The following RGL1 variants were observed in gnomAD, a reference collection of about 807,000 sequenced individuals.
The protein encoded by RGL1 is ral guanine nucleotide dissociation stimulator-like 1.
In RGL1, 24 loss-of-function variants were observed where a neutral mutation model predicts 95.2. That is an observed-to-expected ratio of 0.25 (90% CI 0.18 to 0.35). The LOEUF (loss-of-function observed/expected upper bound fraction) is 0.35. Ranked by LOEUF, RGL1 falls within the 10% of genes least tolerant of loss-of-function variation. The pLI is 1.00. For synonymous variants in RGL1, 329 were observed against 344.9 expected, an observed-to-expected ratio of 0.95 and a Z score of 0.51; for missense variants, 715 against 936.3, an observed-to-expected ratio of 0.76 and a Z score of 3.08.
intron 2 of RGL1, among the ~76,000 whole-genome samples, chr1:183,809,109 G>A (rs2500093): frequency 0.35 from 52,972 of 152,078 alleles, 10,247 homozygotes; most frequent in South Asian, 0.55. Context: ...TTAAAGCAGG[G>A]TGCATTGAAG....
chr1:183,790,017 T>G (rs1166018681), intron 2 of RGL1, among the ~76,000 whole-genome samples: 1 of 151,162 alleles, frequency 6.6e-6, no homozygotes, highest in East Asian at 2.0e-4. Context: ...ACCTCCCGGG[T>G]TCAAGCGATT....
chr1:183,751,551 G>C (rs1186125463), intron 2 of RGL1, among the ~76,000 whole-genome samples: 2 of 152,120 alleles, frequency 1.3e-5, no homozygotes, highest in African/African-American at 4.8e-5. Flanking sequence ...CTTTAAAGGG[G>C]AGTGAATGGT....
chr1:183,924,780 C>T, intron 17 of RGL1, among the ~76,000 whole-genome samples: 1 of 140,084 alleles, frequency 7.1e-6, no homozygotes, highest in Non-Finnish European at 1.5e-5. Context: ...CCCGCCTCTA[C>T]TAAAAATACA....
At chr1:183,849,109 G>A (rs1207284880) in intron 3 of RGL1, among the ~76,000 whole-genome samples, 1 of 151,952 alleles carries the variant, frequency 6.6e-6, no homozygotes, top group Non-Finnish European at 1.5e-5. Context: ...TTTAGAGATA[G>A]GATCTTGTCC....
intron 1 of RGL1, among the ~76,000 whole-genome samples, chr1:183,661,519 C>A (rs980485903): frequency 2.0e-5 from 3 of 152,060 alleles, no homozygotes; most frequent in Non-Finnish European, 4.4e-5. Context: ...AAGAAGTTGA[C>A]TCTCTGAATA....
At chr1:183,678,537 TTC>T (rs2102070106) in intron 1 of RGL1, among the ~76,000 whole-genome samples, 1 of 152,312 alleles carries the variant, frequency 6.6e-6, no homozygotes, top group African/African-American at 2.4e-5. Flanking sequence ...TTAAGAATGT[TTC>T]TCTCTCACTT....
intron 1 of RGL1, among the ~76,000 whole-genome samples, chr1:183,686,138 G>A (rs983431393): frequency 4.6e-5 from 7 of 152,066 alleles, no homozygotes; most frequent in African/African-American, 1.4e-4. Context: ...ATGTCATGCC[G>A]AATCAACATT....
chr1:183,778,348 C>G (rs1433509203), intron 2 of RGL1, among the ~76,000 whole-genome samples: 3 of 152,134 alleles, frequency 2.0e-5, no homozygotes, highest in Non-Finnish European at 4.4e-5. Flanking sequence ...AAGGAAAAAT[C>G]TAGCGGGGGA....
chr1:183,653,982 C>T (rs1650960273), intron 1 of RGL1, among the ~76,000 whole-genome samples: 2 of 152,204 alleles, frequency 1.3e-5, no homozygotes, highest in Non-Finnish European at 2.9e-5. Context: ...TTTCCCAGGC[C>T]ACCTGAAGGA....
At chr1:183,786,073 T>TTCAA (rs1329086161) in intron 2 of RGL1, among the ~76,000 whole-genome samples, 2 of 151,404 alleles carry the variant, frequency 1.3e-5, no homozygotes, top group African/African-American at 4.9e-5. Context: ...GCCAGACCCT[T>TTCAA]TCAATCAATC....
chr1:183,885,350 A>G (rs1342255528), intron 7 of RGL1, among the ~76,000 whole-genome samples: 1 of 152,204 alleles, frequency 6.6e-6, no homozygotes, highest in African/African-American at 2.4e-5. Flanking sequence ...GCCCCCTCCC[A>G]GTACCTGGAG....
chr1:183,824,826 T>G (rs995530473), intron 2 of RGL1, among the ~76,000 whole-genome samples: 9 of 152,358 alleles, frequency 5.9e-5, no homozygotes, highest in African/African-American at 2.2e-4. Flanking sequence ...CTCTTGCCTG[T>G]TAAAGAAGGT....
chr1:183,807,003 C>T (rs1661390068), intron 2 of RGL1, among the ~76,000 whole-genome samples: 1 of 152,096 alleles, frequency 6.6e-6, no homozygotes, highest in Non-Finnish European at 1.5e-5. Flanking sequence ...TGGGAGGAGG[C>T]AAATGGATGC....
At chr1:183,837,153 G>A (rs767709541) in intron 2 of RGL1, among the ~76,000 whole-genome samples, 1 of 152,220 alleles carries the variant, frequency 6.6e-6, no homozygotes, top group African/African-American at 2.4e-5. Flanking sequence ...TGGTGAAGGA[G>A]CACTTATAAA....
intron 8 of RGL1, among the ~76,000 whole-genome samples, chr1:183,889,804 C>T (rs1408778304): frequency 3.9e-5 from 6 of 152,146 alleles, no homozygotes; most frequent in African/African-American, 1.2e-4. Flanking sequence ...CTCCAAAGCT[C>T]GTGCTTTGTT....
intron 10 of RGL1, among the ~76,000 whole-genome samples, chr1:183,898,153 AG>A (rs2102689021): frequency 6.6e-6 from 1 of 152,294 alleles, no homozygotes; most frequent in Admixed American, 6.5e-5. Context: ...TCTGAAGGTG[AG>A]GGGGAGTCTA....
intron 1 of RGL1, among the ~76,000 whole-genome samples, chr1:183,711,149 C>T (rs1655238265): frequency 1.3e-5 from 2 of 152,072 alleles, no homozygotes; most frequent in Admixed American, 1.3e-4. Flanking sequence ...GCTGGGTTAC[C>T]CTTTGCAGTG....
At chr1:183,843,043 C>T (rs1310305125) in intron 2 of RGL1, among the ~76,000 whole-genome samples, 1 of 152,204 alleles carries the variant, frequency 6.6e-6, no homozygotes, top group African/African-American at 2.4e-5. Context: ...GAAATGTACT[C>T]TATTTGAATG....
rs542186391 is a variant in RGL1 at position 183,681,500 on chromosome 1, C to G, written c.-33+44999C>G. Among the ~76,000 whole-genome samples the G allele has an allele frequency of 1.1e-3, 173 of 152,314 alleles. 1 individual carries two copies. Among genetic ancestry groups the G allele is most frequent in the African/African-American group, 3.9e-3 (163 of 41,562 alleles). On this transcript the variant is annotated intron_variant, in intron 1 of 18. Coordinates refer to the RGL1 transcript ENST00000304685. ...GCTTATTAATTTGCATATGTTGAGC[C>G]AGCCTTGCATCCCAGGGATGAAGCT...
Sources: allele counts gnomAD v4.1 joint callset (sites outside exome capture counted in the v4.1 genomes callset), GRCh38; gene constraint gnomAD v4.1.1; transcripts MANE v1.5; gene names NCBI Gene and HGNC (gene_info 2026-07-23, HGNC 2026-07-21).